Variants in PATJ observed in about 807,000 individuals in gnomAD.
The protein encoded by PATJ is inaD-like protein.
PATJ carries 190 observed loss-of-function variants against 224.9 expected under a neutral mutation model. That is an observed-to-expected ratio of 0.84 (90% confidence interval 0.75 to 0.95). The LOEUF (loss-of-function observed/expected upper bound fraction) is 0.95. Among genes scored for constraint, PATJ ranks in the 40% least tolerant of loss-of-function variants. The probability of loss-of-function intolerance (pLI) is 0.00; values close to 1 mark genes in which losing one functional copy is unlikely to be tolerated. For synonymous variants in PATJ, 769 were observed against 820.3 expected (o/e 0.94, Z 1.07); for missense variants, 2,121 against 2,270.3 (o/e 0.93, Z 1.34).
intron 34 of PATJ, among the ~76,000 whole-genome samples, chr1:62,111,224 G>GT (rs927039166): frequency 1.1e-4 from 16 of 152,088 alleles, no homozygotes; most frequent in African/African-American, 3.9e-4. Flanking sequence ...AGGTAACTGG[G>GT]TTTTTTTTAT....
At chr1:61,948,188 G>A (rs193251636) in intron 27 of PATJ, among the ~76,000 whole-genome samples, 33 of 152,256 alleles carry the variant, frequency 2.2e-4, no homozygotes, top group African/African-American at 7.2e-4. Context: ...AAAAGCAATA[G>A]CAACAAAAGC....
At chr1:61,763,974 G>A (rs2148301875) in intron 3 of PATJ, among the ~76,000 whole-genome samples, 1 of 151,224 alleles carries the variant, frequency 6.6e-6, no homozygotes, top group East Asian at 1.9e-4. Context: ...TCCTTATGAA[G>A]TCTTTTTTTG....
chr1:61,756,719 C>A (rs1480253606), intron 1 of PATJ, among the ~76,000 whole-genome samples: 1 of 151,850 alleles, frequency 6.6e-6, no homozygotes, highest in Non-Finnish European at 1.5e-5. Context: ...ACTGGGACAA[C>A]AGGCGTGCGC....
At chr1:61,849,263 T>C (rs923078266) in intron 17 of PATJ, among the ~76,000 whole-genome samples, 5 of 152,210 alleles carry the variant, frequency 3.3e-5, no homozygotes, top group African/African-American at 1.2e-4. Flanking sequence ...TGGTGAACTA[T>C]ACAACACAGC....
At chr1:61,819,946 T>C (rs1226587399) in intron 14 of PATJ, among the ~76,000 whole-genome samples, 1 of 152,216 alleles carries the variant, frequency 6.6e-6, no homozygotes, top group Admixed American at 6.5e-5. Flanking sequence ...TTCATGAACA[T>C]AGATATTAGT....
intron 27 of PATJ, among the ~76,000 whole-genome samples, chr1:61,948,066 G>A (rs1454020615): frequency 6.6e-6 from 1 of 152,156 alleles, no homozygotes; most frequent in Non-Finnish European, 1.5e-5. Context: ...ATTAATTCAA[G>A]TTGGATTAAA....
chr1:62,026,323 T>C (rs1284471610), intron 29 of PATJ, among the ~76,000 whole-genome samples: 1 of 152,222 alleles, frequency 6.6e-6, no homozygotes, highest in Non-Finnish European at 1.5e-5. Context: ...GTTAATTCAG[T>C]GTCATGTTCC....
rs186396925 is a variant in PATJ at position 62,092,742 on chromosome 1, A to T, written c.4377+8094A>T. Among the ~76,000 whole-genome samples, 1,454 of 151,368 alleles carry T rather than the reference A, an allele frequency of 9.6e-3. 15 individuals are homozygous for T. Among genetic ancestry groups the T allele is most frequent in the African/African-American group, 0.027 (1,107 of 41,340 alleles). ...GAAAACGACTTTTATTTATTTATTTATTTATTTTTTTATTTTTTGAGCCAA... is the reference window on the plus strand; with the variant it reads ...GAAAACGACTTTTATTTATTTATTTTTTTATTTTTTTATTTTTTGAGCCAA... On this transcript the variant is annotated intron_variant, in intron 33 of 43. Coordinates refer to ENST00000642238, the MANE Select transcript of PATJ (RefSeq NM_001350145.3).
At chr1:62,027,451 C>G (rs370696956) in intron 29 of PATJ, among the ~76,000 whole-genome samples, 1 of 151,970 alleles carries the variant, frequency 6.6e-6, no homozygotes, top group East Asian at 1.9e-4. Context: ...TCTTCCAGAC[C>G]CTGCTTTCAA....
At chr1:61,866,695 A>G (rs1347401497) in intron 20 of PATJ, among the ~76,000 whole-genome samples, 1 of 152,202 alleles carries the variant, frequency 6.6e-6, no homozygotes, top group Non-Finnish European at 1.5e-5. Context: ...TACCGGAAAG[A>G]GGTCCTGATC....
chr1:61,829,929 C>T (rs1241761527), intron 16 of PATJ, among the ~76,000 whole-genome samples: 2 of 152,168 alleles, frequency 1.3e-5, no homozygotes, highest in South Asian at 4.1e-4. Flanking sequence ...TATATCACTT[C>T]CACACATCAG....
chr1:62,092,387 A>C (rs2148797844), intron 33 of PATJ, among the ~76,000 whole-genome samples: 1 of 152,302 alleles, frequency 6.6e-6, no homozygotes, highest in Non-Finnish European at 1.5e-5. Context: ...CTGTTAAAAA[A>C]AAAAAATGTG....
At chr1:61,872,603 G>A (rs79224615) in intron 20 of PATJ, among the ~76,000 whole-genome samples, 355 of 152,240 alleles carry the variant, frequency 2.3e-3, no homozygotes, top group African/African-American at 8.1e-3. Context: ...CATGCATATC[G>A]AAACTCATTG....
intron 9 of PATJ, among the ~76,000 whole-genome samples, chr1:61,792,812 G>T (rs1461613112): frequency 6.6e-6 from 1 of 152,188 alleles, no homozygotes; most frequent in African/African-American, 2.4e-5. Context: ...TTACAGGCAT[G>T]AGCCACCGTG....
chr1:61,890,918 G>A (rs9326052), intron 22 of PATJ, among the ~76,000 whole-genome samples: 90,882 of 151,892 alleles, frequency 0.6, 27,587 homozygotes, highest in Admixed American at 0.66. Context: ...AATAGTAAAC[G>A]TTTAATAGAA....
intron 17 of PATJ, among the ~76,000 whole-genome samples, chr1:61,843,329 G>C (rs1439885006): frequency 6.6e-6 from 1 of 152,118 alleles, no homozygotes; most frequent in Non-Finnish European, 1.5e-5. Flanking sequence ...TTGCATTCTG[G>C]ATATACTCTT....
intron 31 of PATJ, among the ~76,000 whole-genome samples, chr1:62,075,778 C>T (rs1418023654): frequency 3.3e-5 from 5 of 151,848 alleles, no homozygotes; most frequent in African/African-American, 4.8e-5. Flanking sequence ...ATTAGCCAGG[C>T]GTGGTGGTGG....
intron 12 of PATJ, 56 bp from the exon 13 acceptor site, chr1:61,805,392 T>G (rs1440922835): frequency 3.4e-5 from 36 of 1,070,636 alleles, no homozygotes; most frequent in Non-Finnish European, 5.2e-5. Context: ...TAAGTGTGTT[T>G]GGCTCACAGT....
intron 27 of PATJ, among the ~76,000 whole-genome samples, chr1:61,954,752 ATTGT>A (rs1226710583): frequency 3.6e-5 from 4 of 112,308 alleles, no homozygotes; most frequent in Non-Finnish European, 5.5e-5. Flanking sequence ...GCCAAACTCT[ATTGT>A]TTTTTTTTTT....
Sources: allele counts gnomAD v4.1 joint callset (sites outside exome capture counted in the v4.1 genomes callset), GRCh38; gene constraint gnomAD v4.1.1; transcripts MANE v1.5; gene names NCBI Gene and HGNC (gene_info 2026-07-23, HGNC 2026-07-21).